The following FHIT variants were observed in gnomAD, a reference collection of about 807,000 sequenced individuals.
FHIT encodes bis(5'-adenosyl)-triphosphatase.
FHIT carries 19 observed loss-of-function variants against 17.9 expected under a neutral mutation model. That is an observed-to-expected ratio of 1.06 (90% CI 0.74 to 1.56). FHIT has a LOEUF of 1.56. Among genes scored for constraint, FHIT ranks in the 40% most tolerant of loss-of-function variants. The pLI is 0.00. For synonymous variants in FHIT, 81 were observed against 69.7 expected, an observed-to-expected ratio of 1.16 and a Z score of -0.81; for missense variants, 248 against 189.2, an observed-to-expected ratio of 1.31 and a Z score of -1.82.
intron 4 of FHIT, among the ~76,000 whole-genome samples, chr3:60,696,172 G>A (rs1361750728): frequency 6.6e-6 from 1 of 152,134 alleles, no homozygotes; most frequent in South Asian, 2.1e-4. Context: ...CTATATGTAT[G>A]AGCCTCATAT....
At chr3:60,369,559 A>C (rs568713073) in intron 5 of FHIT, among the ~76,000 whole-genome samples, 4 of 152,260 alleles carry the variant, frequency 2.6e-5, no homozygotes, top group Non-Finnish European at 4.4e-5. Context: ...TGTGGCAGTT[A>C]AATTATTGGC....
At chr3:61,111,258 G>A (rs1317990089) in intron 2 of FHIT, among the ~76,000 whole-genome samples, 1 of 152,280 alleles carries the variant, frequency 6.6e-6, no homozygotes, top group East Asian at 1.9e-4. Flanking sequence ...TATTCCAAAT[G>A]ATACATTCAG....
intron 2 of FHIT, among the ~76,000 whole-genome samples, chr3:61,044,500 C>T (rs1313426290): frequency 6.6e-6 from 1 of 152,058 alleles, no homozygotes; most frequent in Non-Finnish European, 1.5e-5. Context: ...ACCAAATCTA[C>T]ATCTGATTGG....
chr3:60,455,746 C>T (rs1036368531), intron 5 of FHIT, among the ~76,000 whole-genome samples: 1 of 151,866 alleles, frequency 6.6e-6, no homozygotes, highest in African/African-American at 2.4e-5. Context: ...GAATGACTTC[C>T]CTGCTTGATT....
At chr3:60,919,768 G>A (rs1270520852) in intron 3 of FHIT, among the ~76,000 whole-genome samples, 9 of 152,164 alleles carry the variant, frequency 5.9e-5, no homozygotes, top group Non-Finnish European at 1.3e-4. Flanking sequence ...AGGCGCAGTG[G>A]CTCATGCTTG....
At chr3:61,006,936 C>T (rs1315171258) in intron 3 of FHIT, among the ~76,000 whole-genome samples, 1 of 152,068 alleles carries the variant, frequency 6.6e-6, no homozygotes, top group Non-Finnish European at 1.5e-5. Context: ...GAAAAATTAA[C>T]CACAGAATAT....
At chr3:60,597,932 C>A (rs1165618916) in intron 4 of FHIT, among the ~76,000 whole-genome samples, 2 of 152,024 alleles carry the variant, frequency 1.3e-5, no homozygotes, top group Non-Finnish European at 2.9e-5. Context: ...AAGAAATAAG[C>A]AACATCAGAG....
chr3:61,002,609 C>T (rs2031171760), intron 3 of FHIT, among the ~76,000 whole-genome samples: 1 of 152,164 alleles, frequency 6.6e-6, no homozygotes, highest in South Asian at 2.1e-4. Context: ...CTCCCCATTC[C>T]CTCTCCCTAT....
At chr3:60,348,242 G>C (rs1440582463) in intron 5 of FHIT, among the ~76,000 whole-genome samples, 1 of 152,130 alleles carries the variant, frequency 6.6e-6, no homozygotes, top group African/African-American at 2.4e-5. Context: ...CAATTACTTA[G>C]CAAAGGAGAG....
At chr3:61,051,907 C>G (rs2034042606) in intron 2 of FHIT, among the ~76,000 whole-genome samples, 1 of 152,184 alleles carries the variant, frequency 6.6e-6, no homozygotes, top group African/African-American at 2.4e-5. Context: ...TGGAGCTGCT[C>G]TCTATACACA....
chr3:59,788,050 T>C (rs902713181), intron 8 of FHIT, among the ~76,000 whole-genome samples: 5 of 152,218 alleles, frequency 3.3e-5, no homozygotes, highest in South Asian at 2.1e-4. Flanking sequence ...AAGTGTGACA[T>C]TGGCCCTTCT....
intron 5 of FHIT, among the ~76,000 whole-genome samples, chr3:60,254,459 G>A (rs1353167652): frequency 6.6e-6 from 1 of 152,066 alleles, no homozygotes; most frequent in African/African-American, 2.4e-5. Context: ...AGAAGGTGGT[G>A]GCAGGAAAAT....
chr3:60,715,534 C>T (rs1017699583), intron 4 of FHIT, among the ~76,000 whole-genome samples: 7 of 149,246 alleles, frequency 4.7e-5, no homozygotes, highest in African/African-American at 1.7e-4. Flanking sequence ...AAAAACCAAA[C>T]ACCACGTGTT....
At chr3:60,375,202 G>A (rs1234934476) in intron 5 of FHIT, among the ~76,000 whole-genome samples, 3 of 151,914 alleles carry the variant, frequency 2.0e-5, no homozygotes, top group Non-Finnish European at 4.4e-5. Flanking sequence ...TCATGATTCT[G>A]TATAGGAACA....
chr3:60,532,047 G>A (rs775418024), intron 5 of FHIT, among the ~76,000 whole-genome samples: 2 of 152,154 alleles, frequency 1.3e-5, no homozygotes, highest in Admixed American at 6.5e-5. Context: ...TCCTAATGTT[G>A]TATGGCCCTG....
chr3:60,942,617 T>G (rs915661868), intron 3 of FHIT, among the ~76,000 whole-genome samples: 2 of 152,110 alleles, frequency 1.3e-5, no homozygotes, highest in African/African-American at 4.8e-5. Context: ...GTTTGACAAG[T>G]GAGAATGTGC....
intron 8 of FHIT, among the ~76,000 whole-genome samples, chr3:59,856,918 T>G (rs684584): frequency 6.6e-6 from 1 of 151,496 alleles, no homozygotes; most frequent in African/African-American, 2.4e-5. Flanking sequence ...CCACCCTGAA[T>G]GGTGGAGATT....
At chr3:60,367,043 G>T (rs926296158) in intron 5 of FHIT, among the ~76,000 whole-genome samples, 1 of 152,182 alleles carries the variant, frequency 6.6e-6, no homozygotes, top group Non-Finnish European at 1.5e-5. Flanking sequence ...AAGAAAAGGA[G>T]AGGTTTTTGT....
At chr3:60,835,357 C>T (rs1283688029) in intron 3 of FHIT, among the ~76,000 whole-genome samples, 1 of 152,126 alleles carries the variant, frequency 6.6e-6, no homozygotes, top group African/African-American at 2.4e-5. Context: ...AAATCATGAA[C>T]ACAACATTTT....
Sources: gnomAD v4.1 joint callset for allele counts (sites outside exome capture counted in the v4.1 genomes callset) on GRCh38, gnomAD v4.1.1 for gene constraint, MANE v1.5 for transcripts, NCBI Gene and HGNC (gene_info 2026-07-23, HGNC 2026-07-21) for gene names.